The following SPATA21 variants were observed in gnomAD, a reference collection of about 807,000 sequenced individuals.
SPATA21 encodes the protein spermatogenesis-associated protein 21.
Under a neutral mutation model 54.8 loss-of-function variants are expected in SPATA21, and 47 were observed. That is an observed-to-expected ratio of 0.86 (90% CI 0.68 to 1.09). SPATA21 has a LOEUF of 1.09. Ranked by LOEUF, SPATA21 falls within the 50% of genes least tolerant of loss-of-function variation. The pLI, the probability that SPATA21 is intolerant of heterozygous loss-of-function variation, is 0.00. For missense variants in SPATA21, 599 were observed against 596.4 expected, an observed-to-expected ratio of 1.00 and a Z score of -0.05; for synonymous variants, 245 against 235.3, an observed-to-expected ratio of 1.04 and a Z score of -0.38.
At chr1:16,427,574 T>A (rs532058230) in intron 3 of SPATA21, among the ~76,000 whole-genome samples, 1 of 152,190 alleles carries the variant, frequency 6.6e-6, no homozygotes, top group South Asian at 2.1e-4. Flanking sequence ...ATCGAACATT[T>A]ACTATGTGTC....
chr1:16,410,412 ATCT>A (rs1277028310), intron 5 of SPATA21, among the ~76,000 whole-genome samples: 1 of 149,358 alleles, frequency 6.7e-6, no homozygotes, highest in African/African-American at 2.5e-5. Flanking sequence ...CGCCCAGCTA[ATCT>A]TTTTTTTTTT....
At chr1:16,407,632 G>A (rs1244630540) in intron 7 of SPATA21, among the ~76,000 whole-genome samples, 1 of 151,886 alleles carries the variant, frequency 6.6e-6, no homozygotes, top group East Asian at 1.9e-4. Flanking sequence ...GCTAATTTTT[G>A]TATTTTTAGT....
chr1:16,402,308 C>A (rs1474670918), intron 10 of SPATA21, among the ~76,000 whole-genome samples: 1 of 115,426 alleles, frequency 8.7e-6, no homozygotes, highest in East Asian at 2.9e-4. Flanking sequence ...GTTGCCCAGG[C>A]TGGAGTGCAG....
intron 7 of SPATA21, among the ~76,000 whole-genome samples, chr1:16,408,898 A>G (rs1005896026): frequency 2.4e-5 from 3 of 123,638 alleles, no homozygotes; most frequent in South Asian, 2.4e-4. Flanking sequence ...AAGACCCAGC[A>G]TGAGTTCTGG....
chr1:16,436,081 T>C (rs2086578691), intron 1 of SPATA21, among the ~76,000 whole-genome samples: 1 of 151,488 alleles, frequency 6.6e-6, no homozygotes, highest in South Asian at 2.1e-4. Context: ...TGAAACCCCA[T>C]CTCTACTAAA....
chr1:16,410,157 C>T, intron 5 of SPATA21, 114 bp from the exon 6 acceptor site: 1 of 877,872 alleles, frequency 1.1e-6, no homozygotes, highest in Non-Finnish European at 1.7e-6. Context: ...CTCTCTGAGC[C>T]TTTGGAGGAT....
At position 16,428,711 on chromosome 1, in the gene SPATA21, T is replaced by C. The variant is rs2086382784; in HGVS notation, c.34+2627A>G. On this transcript the variant is annotated intron_variant, in intron 3 of 12. Transcript: ENST00000335496. This position sits in a 1 kb window ranked among gnomAD's most constrained non-coding sequence, Gnocchi z 4.3. ...TTTGATCACTATCATGGTCTGTCAC[T>C]CTCCAACTGGGTGACCTGGAGCCAG... Among the ~76,000 whole-genome samples, 1 of 152,090 alleles carries C rather than the reference T, an allele frequency of 6.6e-6. No individual in the cohort carries two copies. The highest frequency in any genetic ancestry group is 1.9e-4 in the East Asian group (1 of 5,186).
intron 8 of SPATA21, among the ~76,000 whole-genome samples, chr1:16,404,448 C>T (rs528803910): frequency 7.2e-5 from 11 of 151,738 alleles, no homozygotes; most frequent in Non-Finnish European, 1.3e-4. Flanking sequence ...CCAGCCTGGG[C>T]GACAGAGCAA....
chr1:16,427,943 C>A, intron 3 of SPATA21: 1 of 1,550,266 alleles, frequency 6.5e-7, no homozygotes, highest in Non-Finnish European at 8.7e-7. Context: ...AGTCTGGGCC[C>A]CTTCTCTGGC....
In SPATA21 at chr1:16,403,803, T is replaced by G; in HGVS notation, c.925A>C (p.Thr309Pro). The G allele has an allele frequency of 6.2e-7, 1 of 1,611,208 alleles. No individual in the cohort carries two copies. Among genetic ancestry groups the G allele is most frequent in the Non-Finnish European group, 8.5e-7 (1 of 1,178,774 alleles). Reference protein sequence around the residue: ...LSDMAPHNPHTLLFEILSLLV... With the variant: ...LSDMAPHNPHPLLFEILSLLV... The stretch of plus-strand genomic sequence containing the variant: ...AGGGACAGGATCTCAAAGAGTAGAG[T>G]GTGGGGGTTGTGGGGAGCCATGTCC... The change falls in exon 10 of 13, where the codon ACT (threonine) becomes CCT (proline). Residue 309 changes from threonine to proline, a missense_variant. Physicochemically the swap from Thr to Pro is conservative, Grantham distance 38. Transcript: ENST00000335496.
intron 1 of SPATA21, among the ~76,000 whole-genome samples, chr1:16,433,392 C>T (rs1057140125): frequency 1.3e-5 from 2 of 152,236 alleles, no homozygotes; most frequent in African/African-American, 2.4e-5. Flanking sequence ...GCGGAAAAGT[C>T]AGGGCTGTGG....
In SPATA21 at chr1:16,398,796, C is replaced by A; in HGVS notation, c.1379G>T (p.Trp460Leu). The A allele has an allele frequency of 6.2e-7, 1 of 1,613,670 alleles. No homozygotes were observed. The highest frequency in any genetic ancestry group is 8.5e-7 in the Non-Finnish European group (1 of 1,179,748). Residue 460 changes from tryptophan (W) to leucine (L), a missense_variant, in exon 13 of 13, where the codon TGG (tryptophan) becomes TTG (leucine). Coordinates refer to ENST00000335496, the MANE Select transcript of SPATA21 (RefSeq NM_198546.1). ...GGTTCGAGCTGGCACAGAGCTGAGC[C>A]ACTTTCTGCTGTCAGAGTTGTGTTC... ...NREHNSDSRK[W>L]LSSVPARTH is the part of the protein sequence containing the mutation.
intron 3 of SPATA21, chr1:16,422,222 G>A (rs1276729356): frequency 1.6e-5 from 22 of 1,412,882 alleles, no homozygotes; most frequent in Non-Finnish European, 2.0e-5. Context: ...ACCACGGCTG[G>A]GGAGCTCCAT....
intron 7 of SPATA21, chr1:16,408,366 G>C (rs2085714736): frequency 1.6e-6 from 1 of 626,094 alleles, no homozygotes; most frequent in Admixed American, 6.3e-5. Flanking sequence ...GTTTAGGCTG[G>C]TGGCCTTGTT....
At chr1:16,413,383 A>G (rs1490254753) in intron 5 of SPATA21, among the ~76,000 whole-genome samples, 1 of 152,230 alleles carries the variant, frequency 6.6e-6, no homozygotes, top group Non-Finnish European at 1.5e-5. Context: ...AGTCTATTGT[A>G]CGTACAGACC....
At chr1:16,426,308 G>C (rs200295074) in intron 3 of SPATA21, among the ~76,000 whole-genome samples, 2 of 150,870 alleles carry the variant, frequency 1.3e-5, no homozygotes, top group African/African-American at 4.9e-5. Flanking sequence ...ACCCAGGTTC[G>C]AGTGTAGTGG....
At chr1:16,429,757 A>G (rs1381812752) in intron 3 of SPATA21, among the ~76,000 whole-genome samples, 5 of 148,424 alleles carry the variant, frequency 3.4e-5, no homozygotes, top group Admixed American at 2.7e-4. Flanking sequence ...TACAGGCGTG[A>G]GCCACCGCGC....
At chr1:16,418,242 G>A (rs1382844850) in intron 5 of SPATA21, among the ~76,000 whole-genome samples, 1 of 152,162 alleles carries the variant, frequency 6.6e-6, no homozygotes, top group Admixed American at 6.6e-5. Context: ...ACACAGGCAA[G>A]GAATAGTTCT....
Position 16,399,452 on chromosome 1 carries a change from ATCT to A in SPATA21, c.1241_1243del (p.Lys414del), listed in dbSNP as rs757513178. ...GTGGTTGCTCGGCTGCCTACGGACCATCTTCTTGTCCAGCTGTGGGCAGAGCAG... is the reference window on the plus strand; with the variant it reads ...GTGGTTGCTCGGCTGCCTACGGACCATCTTGTCCAGCTGTGGGCAGAGCAG... On this transcript the variant is annotated inframe_deletion, in exon 12 of 13. Coordinates refer to ENST00000335496, the MANE Select transcript of SPATA21 (RefSeq NM_198546.1). 10 of 1,614,074 alleles carry A rather than the reference ATCT, an allele frequency of 6.2e-6. No individual in the cohort carries two copies. The highest frequency in any genetic ancestry group is 2.2e-5 in the East Asian group (1 of 44,894).
Sources: gnomAD v4.1 joint callset for allele counts (sites outside exome capture counted in the v4.1 genomes callset) on GRCh38, gnomAD v4.1.1 for gene constraint, Gnocchi (gnomAD v3.1) non-coding constraint, MANE v1.5 for transcripts, NCBI Gene and HGNC (gene_info 2026-07-23, HGNC 2026-07-21) for gene names.